EDIL3: variants seen among roughly 807,000 people sequenced by gnomAD.
EDIL3 encodes the protein EGF like and discoidin domains 3.
A neutral mutation model predicts 67.4 loss-of-function variants in EDIL3; 37 were observed. That is an observed-to-expected ratio of 0.55 (90% CI 0.42 to 0.72). EDIL3 has a LOEUF of 0.72. Among genes scored for constraint, EDIL3 ranks in the 30% least tolerant of loss-of-function variants. The pLI, the probability that EDIL3 is intolerant of heterozygous loss-of-function variation, is 0.00. For synonymous variants in EDIL3, 195 were observed against 196.3 expected, an observed-to-expected ratio of 0.99 and a Z score of 0.05; for missense variants, 527 against 586.3, an observed-to-expected ratio of 0.90 and a Z score of 1.04.
intron 4 of EDIL3, among the ~76,000 whole-genome samples, chr5:84,153,791 A>G (rs1312183516): frequency 1.3e-5 from 2 of 152,116 alleles, no homozygotes; most frequent in African/African-American, 4.8e-5. Flanking sequence ...TCAGAATTTG[A>G]TTTACATTTT....
intron 3 of EDIL3, among the ~76,000 whole-genome samples, chr5:84,197,900 T>C (rs1026517779): frequency 6.6e-6 from 1 of 151,964 alleles, no homozygotes; most frequent in African/African-American, 2.4e-5. Context: ...ATTGAATACA[T>C]ATAAACTAGA....
At chr5:84,188,522 A>G (rs1743514371) in intron 3 of EDIL3, among the ~76,000 whole-genome samples, 1 of 151,782 alleles carries the variant, frequency 6.6e-6, no homozygotes. Flanking sequence ...ATCCTTAACA[A>G]TCTTTATGCA....
intron 1 of EDIL3, among the ~76,000 whole-genome samples, chr5:84,311,324 C>CTTTTTTTTTTT (rs58965080): frequency 1.1e-4 from 12 of 105,506 alleles, no homozygotes; most frequent in Non-Finnish European, 1.9e-4. Flanking sequence ...TTTTTTTTTT[C>CTTTTTTTTTTT]TTTTTTTTTT....
At chr5:84,005,596 GCAGAAAAGGGTTTGATAAAATT>G (rs1745398578) in intron 9 of EDIL3, among the ~76,000 whole-genome samples, 1 of 152,050 alleles carries the variant, frequency 6.6e-6, no homozygotes, top group African/African-American at 2.4e-5. Context: ...CTCAATAGAT[GCAGAAAAGGGTTTGATAAAATT>G]CAGCATCCCT....
At chr5:83,968,059 C>T (rs568964859) in intron 9 of EDIL3, among the ~76,000 whole-genome samples, 15 of 152,024 alleles carry the variant, frequency 9.9e-5, no homozygotes, top group South Asian at 4.1e-4. Flanking sequence ...CATTTGGTTT[C>T]GATACAGAAT....
intron 2 of EDIL3, among the ~76,000 whole-genome samples, chr5:84,249,674 T>A (rs183298767): frequency 1.3e-5 from 2 of 152,174 alleles, no homozygotes; most frequent in Admixed American, 1.3e-4. Context: ...TACTATGTAT[T>A]TGAGTTGTAA....
chr5:83,946,199 A>G (rs925982787), intron 10 of EDIL3, among the ~76,000 whole-genome samples: 2 of 152,004 alleles, frequency 1.3e-5, no homozygotes, highest in African/African-American at 4.8e-5. Flanking sequence ...AGAACATTAA[A>G]TCTCTATATA....
At chr5:84,192,267 G>A (rs79629140) in intron 3 of EDIL3, among the ~76,000 whole-genome samples, 3,078 of 151,680 alleles carry the variant, frequency 0.02, 106 homozygotes, top group African/African-American at 0.07. Flanking sequence ...TACCCACCAT[G>A]CAAACCTAAT....
At chr5:84,035,793 C>A (rs1746012376) in intron 9 of EDIL3, among the ~76,000 whole-genome samples, 1 of 152,142 alleles carries the variant, frequency 6.6e-6, no homozygotes, top group Admixed American at 6.6e-5. Context: ...GCTCAAATAT[C>A]CTTTCTCAGT....
intron 1 of EDIL3, among the ~76,000 whole-genome samples, chr5:84,329,204 G>A (rs1746823788): frequency 6.6e-6 from 1 of 151,964 alleles, no homozygotes; most frequent in South Asian, 2.1e-4. Flanking sequence ...TATTGCAATT[G>A]CATGGTTTGA....
chr5:84,173,631 T>C (rs1411312182), intron 4 of EDIL3, among the ~76,000 whole-genome samples: 2 of 152,140 alleles, frequency 1.3e-5, no homozygotes, highest in South Asian at 2.1e-4. Context: ...GCAGAGGCTA[T>C]TATACTCTCC....
At chr5:84,272,315 C>T (rs545478723) in intron 1 of EDIL3, among the ~76,000 whole-genome samples, 69 of 147,930 alleles carry the variant, frequency 4.7e-4, no homozygotes, top group African/African-American at 1.6e-3. Flanking sequence ...TCCTAATGTA[C>T]AAGATAAAAA....
Position 83,942,991 on chromosome 5 carries a change from T to C in EDIL3, c.*428A>G, listed in dbSNP as rs1256953663. On this transcript the variant is annotated 3_prime_UTR_variant, in exon 11 of 11. Transcript: ENST00000296591. ...TAGAGTCATTACAGAAGAAAAAAAC[T>C]TATTGCTAACATTGCAGTATTCCTT... 1.1e-5 allele frequency: 2 copies of C among 175,870 alleles called. No individual in the cohort carries two copies. Among genetic ancestry groups the C allele is most frequent in the Non-Finnish European group, 2.4e-5 (2 of 81,710 alleles). The allele number at this position is 175,870 out of a possible 1,614,324, so 10.9% of individuals were successfully genotyped here.
At chr5:83,985,734 AT>A in intron 9 of EDIL3, among the ~76,000 whole-genome samples, 1 of 152,058 alleles carries the variant, frequency 6.6e-6, no homozygotes, top group Middle Eastern at 3.4e-3. Context: ...AGGTAAAATT[AT>A]TTTTAATAGG....
intron 4 of EDIL3, among the ~76,000 whole-genome samples, chr5:84,165,234 G>A (rs1748684336): frequency 6.6e-6 from 1 of 151,926 alleles, no homozygotes; most frequent in African/African-American, 2.4e-5. Flanking sequence ...GTACATGGCC[G>A]GACAAATGCA....
intron 1 of EDIL3, among the ~76,000 whole-genome samples, chr5:84,372,655 A>G (rs1208964614): frequency 6.6e-6 from 1 of 152,184 alleles, no homozygotes; most frequent in Non-Finnish European, 1.5e-5. Flanking sequence ...AGTGTGCTAC[A>G]GTGAAAAGAT....
At chr5:84,210,759 C>T (rs1744102320) in intron 3 of EDIL3, among the ~76,000 whole-genome samples, 1 of 152,124 alleles carries the variant, frequency 6.6e-6, no homozygotes, top group Non-Finnish European at 1.5e-5. Context: ...TGTATGGTAT[C>T]TATCCTTTTT....
At chr5:84,183,310 C>T (rs1749046997) in intron 3 of EDIL3, among the ~76,000 whole-genome samples, 1 of 152,064 alleles carries the variant, frequency 6.6e-6, no homozygotes, top group Non-Finnish European at 1.5e-5. Flanking sequence ...CTATACCCCT[C>T]AGAGCATCAA....
At chr5:84,141,579 AAAG>A (rs1193815874) in intron 4 of EDIL3, among the ~76,000 whole-genome samples, 3 of 148,458 alleles carry the variant, frequency 2.0e-5, no homozygotes, top group East Asian at 3.9e-4. Flanking sequence ...AAAGAAGAAG[AAAG>A]AAGGAGAAGA....
Sources: gnomAD v4.1 joint callset for allele counts (sites outside exome capture counted in the v4.1 genomes callset) on GRCh38, gnomAD v4.1.1 for gene constraint, MANE v1.5 for transcripts, NCBI Gene and HGNC (gene_info 2026-07-23, HGNC 2026-07-21) for gene names.